DDX60: variants seen among roughly 807,000 people sequenced by gnomAD.
The protein encoded by DDX60 is DExD/H-box helicase 60.
DDX60 carries 165 observed loss-of-function variants against 212.8 expected under a neutral mutation model. The observed-to-expected ratio is 0.78, with a 90% CI of 0.68 to 0.88. The LOEUF is 0.88. Among genes scored for constraint, DDX60 ranks in the 40% least tolerant of loss-of-function variants. The pLI, the probability that DDX60 is intolerant of heterozygous loss-of-function variation, is 0.00. For missense variants in DDX60, 1,905 were observed against 2,003.9 expected, an observed-to-expected ratio of 0.95 and a Z score of 0.94; for synonymous variants, 703 against 685.3, an observed-to-expected ratio of 1.03 and a Z score of -0.40.
chr4:168,230,980 C>T (rs1415909362), intron 33 of DDX60, among the ~76,000 whole-genome samples: 7 of 151,702 alleles, frequency 4.6e-5, no homozygotes, highest in Non-Finnish European at 8.8e-5. Flanking sequence ...GAAGAGAGAT[C>T]CAAATAAGTT....
chr4:168,288,075 T>C (rs530210980), intron 9 of DDX60, 99 bp downstream of exon 9: 1 of 758,760 alleles, frequency 1.3e-6, no homozygotes, highest in East Asian at 3.1e-5. Context: ...AATTGCTATG[T>C]TATATGTTGG....
Position 168,221,887 on chromosome 4 carries a change from A to G in DDX60, c.4825-6T>C, listed in dbSNP as rs1733064429. On this transcript the variant is annotated splice_polypyrimidine_tract_variant and splice_region_variant and intron_variant, in intron 35 of 37. Coordinates refer to ENST00000393743, the MANE Select transcript of DDX60 (RefSeq NM_017631.6). ...CCGATTGTGCCTAGAGTAACCTGAA[A>G]AAATACGATTATTCTTAATGTATTA... 2 of 1,606,496 alleles carry G rather than the reference A, an allele frequency of 1.2e-6. No individual in the cohort carries two copies. Among genetic ancestry groups the G allele is most frequent in the Non-Finnish European group, 1.7e-6 (2 of 1,174,870 alleles).
intron 25 of DDX60, among the ~76,000 whole-genome samples, 177 bp from the exon 26 acceptor site, chr4:168,256,046 C>T (rs1167294739): frequency 6.6e-6 from 1 of 152,060 alleles, no homozygotes; most frequent in Admixed American, 6.6e-5. Context: ...TCCTTATTAA[C>T]TACCTTATAG....
chr4:168,221,833 A>G lies in DDX60; in HGVS notation c.4873T>C (p.Leu1625=), dbSNP rs1469389979. ...GVNRSQAPVL[L]SQKFDNRGRK... ...CCTCGGTTATCAAATTTCTGTGACA[A>G]CAGCACTGGAGCCTGAGAGCGATTG... is the stretch of plus-strand genomic sequence containing the variant. The change falls in exon 36 of 38, where the codon TTG becomes CTG. Residue 1625 remains leucine, a synonymous_variant. Coordinates refer to ENST00000393743, the MANE Select transcript of DDX60 (RefSeq NM_017631.6). 3 of 1,613,328 alleles carry G rather than the reference A, an allele frequency of 1.9e-6. No individual in the cohort carries two copies. The highest frequency in any genetic ancestry group is 3.3e-5 in the Admixed American group (2 of 59,966).
At chr4:168,307,615 G>A (rs986765737) in intron 4 of DDX60, among the ~76,000 whole-genome samples, 1 of 151,996 alleles carries the variant, frequency 6.6e-6, no homozygotes, top group East Asian at 1.9e-4. Context: ...AGCCAACAAA[G>A]CATTATTAAT....
At chr4:168,318,172 A>G (rs1737484596) in intron 1 of DDX60, among the ~76,000 whole-genome samples, 1 of 152,242 alleles carries the variant, frequency 6.6e-6, no homozygotes, top group Admixed American at 6.5e-5. Flanking sequence ...CACAGAAATT[A>G]CCTGGGGGAA....
At chr4:168,256,574 A>G (rs1734420664) in intron 25 of DDX60, among the ~76,000 whole-genome samples, 1 of 152,204 alleles carries the variant, frequency 6.6e-6, no homozygotes, top group African/African-American at 2.4e-5. Context: ...CTGCAGATCA[A>G]ATTCTCCTGA....
upstream of DDX60, among the ~76,000 whole-genome samples, chr4:168,320,284 C>T (rs537595226): frequency 6.6e-6 from 1 of 152,158 alleles, no homozygotes; most frequent in East Asian, 1.9e-4. Context: ...TCCAGGTGGG[C>T]CCAAGGTCAT....
At chr4:168,217,917 T>C (rs1732908750) in intron 37 of DDX60, among the ~76,000 whole-genome samples, 1 of 152,178 alleles carries the variant, frequency 6.6e-6, no homozygotes, top group Non-Finnish European at 1.5e-5. Context: ...ACCTCCAGAA[T>C]TGTAAAATAA....
intron 13 of DDX60, among the ~76,000 whole-genome samples, chr4:168,281,613 C>T (rs564617026): frequency 6.6e-6 from 1 of 152,312 alleles, no homozygotes; most frequent in South Asian, 2.1e-4. Context: ...TTAACTTAAA[C>T]ATAGTATGGA....
In DDX60 at chr4:168,250,953, C is replaced by T. The variant is rs267600074; in HGVS notation, c.3858+1G>A. The T allele has an allele frequency of 2.5e-6, 4 of 1,586,456 alleles. No homozygotes were observed. Among genetic ancestry groups the T allele is most frequent in the Non-Finnish European group, 3.4e-6 (4 of 1,166,370 alleles). On this transcript the variant is annotated splice_donor_variant, in intron 28 of 37. Transcript: ENST00000393743. LOFTEE classifies it high-confidence loss of function. ...TTTTAGAATGAAGAAAATTCACCTA[C>T]CCTAAGATATCCTTTTCTAAAGAGG...
At chr4:168,310,525 T>C (rs79427124) in intron 3 of DDX60, among the ~76,000 whole-genome samples, 3 of 152,322 alleles carry the variant, frequency 2.0e-5, no homozygotes, top group Non-Finnish European at 4.4e-5. Context: ...GAATCAAATA[T>C]TAGCCATTGA....
intron 33 of DDX60, among the ~76,000 whole-genome samples, chr4:168,232,967 G>A (rs1390180331): frequency 2.0e-5 from 3 of 151,756 alleles, no homozygotes; most frequent in Non-Finnish European, 4.4e-5. Flanking sequence ...TCCAACAAAG[G>A]ACTCAATATT....
rs542775701 is a variant in DDX60 at position 168,219,919 on chromosome 4, C to T, written c.5039+736G>A. On this transcript the variant is annotated intron_variant, in intron 37 of 37. Coordinates refer to ENST00000393743, the MANE Select transcript of DDX60 (RefSeq NM_017631.6). ...GGCATGGTGACACATGCCTGTAATC[C>T]CAGCTACTCAGGAGATTGAGGCAGG... Among the ~76,000 whole-genome samples the T allele has an allele frequency of 9.2e-5, 14 of 151,822 alleles. 1 individual carries two copies. In the South Asian group the frequency reaches 1.0e-3, roughly 11 times the overall value.
At chr4:168,224,033 ACT>A (rs1333841466) in intron 35 of DDX60, among the ~76,000 whole-genome samples, 5 of 151,822 alleles carry the variant, frequency 3.3e-5, no homozygotes, top group African/African-American at 1.2e-4. Flanking sequence ...GTGCCTGGAA[ACT>A]CTCTGAGCAG....
At chr4:168,298,100 C>A (rs1022071314) in intron 6 of DDX60, among the ~76,000 whole-genome samples, 1 of 151,598 alleles carries the variant, frequency 6.6e-6, no homozygotes, top group Non-Finnish European at 1.5e-5. Context: ...AAAAATGGTA[C>A]AGCATGGTAA....
At position 168,287,142 on chromosome 4, in the gene DDX60, T is replaced by TA; in HGVS notation, c.1244dup (p.Ser416IlefsTer8). ...CCTCAAAGTCTCTGACCAACTTTGA[T>TA]ACGGTATTCCAGAGATATTCATAAT... On this transcript the variant is annotated frameshift_variant, in exon 10 of 38. Transcript: ENST00000393743. LOFTEE classifies it high-confidence loss of function. 1 of 1,611,224 alleles carries TA rather than the reference T, an allele frequency of 6.2e-7. No homozygotes were observed. The highest frequency in any genetic ancestry group is 2.2e-5 in the East Asian group (1 of 44,728).
At chr4:168,309,280 T>C (rs1443829512) in intron 3 of DDX60, among the ~76,000 whole-genome samples, 2 of 152,160 alleles carry the variant, frequency 1.3e-5, no homozygotes, top group African/African-American at 2.4e-5. Context: ...TGAAGTGCCA[T>C]TAGTGATGCC....
At chr4:168,306,193 TATAACA>T (rs2149549469) in intron 5 of DDX60, among the ~76,000 whole-genome samples, 180 bp downstream of exon 5, 1 of 152,346 alleles carries the variant, frequency 6.6e-6, no homozygotes, top group Admixed American at 6.5e-5. Context: ...AGCACAATTT[TATAACA>T]ATAAGTGTTT....
Sources: allele counts gnomAD v4.1 joint callset (sites outside exome capture counted in the v4.1 genomes callset), GRCh38; gene constraint gnomAD v4.1.1; transcripts MANE v1.5; gene names NCBI Gene and HGNC (gene_info 2026-07-23, HGNC 2026-07-21).